NCKAP1: variants seen among roughly 807,000 people sequenced by gnomAD.
NCKAP1 encodes the protein nck-associated protein 1.
A neutral mutation model predicts 151.2 loss-of-function variants in NCKAP1; 21 were observed. The observed-to-expected ratio is 0.14, with a 90% CI of 0.10 to 0.20. The LOEUF is 0.20. Among genes scored for constraint, NCKAP1 ranks in the 10% least tolerant of loss-of-function variants. The pLI, the probability that NCKAP1 is intolerant of heterozygous loss-of-function variation, is 1.00. For missense variants in NCKAP1, 933 were observed against 1,352.1 expected, an observed-to-expected ratio of 0.69 and a Z score of 4.86; for synonymous variants, 484 against 451.8, an observed-to-expected ratio of 1.07 and a Z score of -0.90.
At chr2:182,937,551 A>G (rs185555690) in intron 24 of NCKAP1, among the ~76,000 whole-genome samples, 3 of 152,208 alleles carry the variant, frequency 2.0e-5, no homozygotes, top group Admixed American at 6.5e-5. Flanking sequence ...AGGAGTTTAT[A>G]CTGTATCCTT....
intron 23 of NCKAP1, among the ~76,000 whole-genome samples, chr2:182,943,045 T>C (rs1697029828): frequency 6.6e-6 from 1 of 152,198 alleles, no homozygotes; most frequent in South Asian, 2.1e-4. Flanking sequence ...GTTTATAATT[T>C]AATTTCTGAT....
At chr2:182,982,765 G>A (rs1408335835) in intron 12 of NCKAP1, 56 bp downstream of exon 12, 3 of 1,182,284 alleles carry the variant, frequency 2.5e-6, no homozygotes, top group Non-Finnish European at 3.6e-6. Context: ...TAACCCCATT[G>A]TAAATCAAGA....
At chr2:182,974,822 GA>G (rs893467382) in intron 15 of NCKAP1, among the ~76,000 whole-genome samples, 63 of 150,304 alleles carry the variant, frequency 4.2e-4, no homozygotes, top group Non-Finnish European at 6.2e-4. Flanking sequence ...TAGATTACAT[GA>G]AAAAAAAATC....
intron 2 of NCKAP1, among the ~76,000 whole-genome samples, chr2:183,006,751 T>C (rs1192021821): frequency 6.6e-6 from 1 of 152,216 alleles, no homozygotes; most frequent in Non-Finnish European, 1.5e-5. Context: ...CATTGTTTTA[T>C]AGGAAATAAA....
rs2105793009 is a variant in NCKAP1 at position 182,923,541 on chromosome 2, G to A, written c.*2161C>T. The A allele has an allele frequency of 6.6e-6, 1 of 152,276 alleles. No homozygotes were observed. Among genetic ancestry groups the A allele is most frequent in the South Asian group, 2.1e-4 (1 of 4,826 alleles). 9.4% of individuals were successfully genotyped at this position (152,276 alleles called of 1,614,324 possible). ...ATCCGCCTTGGCCTCCCAAAGTGCT[G>A]AAATAGGCGTGTGCCACTACGCCTG... On this transcript the variant is annotated 3_prime_UTR_variant, in exon 31 of 31. Transcript: ENST00000361354.
At chr2:182,960,086 A>G (rs1036432879) in intron 18 of NCKAP1, among the ~76,000 whole-genome samples, 1 of 152,234 alleles carries the variant, frequency 6.6e-6, no homozygotes, top group Non-Finnish European at 1.5e-5. Context: ...AAAAGAGGAT[A>G]CAAACAAATG....
chr2:183,019,162 A>C (rs750703598), intron 2 of NCKAP1, among the ~76,000 whole-genome samples: 1 of 152,168 alleles, frequency 6.6e-6, no homozygotes, highest in Non-Finnish European at 1.5e-5. Flanking sequence ...AGACTTCAAG[A>C]TCTAATTCAG....
Position 182,938,233 on chromosome 2 carries a change from T to C in NCKAP1, c.2696-2858A>G, listed in dbSNP as rs557173910. Among the ~76,000 whole-genome samples, 6 of 152,276 alleles carry C rather than the reference T, an allele frequency of 3.9e-5. No individual in the cohort carries two copies. In the South Asian group the frequency reaches 1.2e-3, roughly 32 times the overall value. On this transcript the variant is annotated intron_variant, in intron 24 of 30. Transcript: ENST00000361354. ...GAGAGTTAAGGCTGAAGATAAATATTGGATAAGGGAAGAGAAAATTTGGGA... is the reference window on the plus strand; with the variant it reads ...GAGAGTTAAGGCTGAAGATAAATATCGGATAAGGGAAGAGAAAATTTGGGA...
At chr2:182,992,712 G>A (rs985497129) in intron 8 of NCKAP1, among the ~76,000 whole-genome samples, 2 of 151,948 alleles carry the variant, frequency 1.3e-5, no homozygotes, top group South Asian at 2.1e-4. Context: ...AAATAGCTAC[G>A]GCCAGATAGT....
chr2:182,986,305 T>C, intron 9 of NCKAP1, 78 bp from the exon 10 acceptor site: 2 of 1,177,718 alleles, frequency 1.7e-6, no homozygotes, highest in Non-Finnish European at 2.5e-6. Flanking sequence ...ATACTAGAAG[T>C]CAATTAAAAA....
In NCKAP1 at chr2:182,923,272, G is replaced by A. The variant is rs537703186; in HGVS notation, c.*2430C>T. The stretch of plus-strand genomic sequence containing the variant: ...AAAAATCTATCCAATCTATCCAAAT[G>A]AGTATTTTCTTTTTTTTTTTGAGAC... On this transcript the variant is annotated 3_prime_UTR_variant, in exon 31 of 31. Transcript: ENST00000361354. 2 of 151,674 alleles carry A rather than the reference G, an allele frequency of 1.3e-5. No homozygotes were observed. The highest frequency in any genetic ancestry group is 6.6e-5 in the Admixed American group (1 of 15,226). The allele number at this position is 151,674 out of a possible 1,614,324, so 9.4% of individuals were successfully genotyped here. A position where few individuals can be genotyped will look rare whatever the true frequency, so the allele number is the denominator to read the frequency against.
rs1402870185 is a variant in NCKAP1 at position 182,910,859 on chromosome 2, T to C, written c.*14843A>G. 6.6e-6 allele frequency: 1 copy of C among 151,982 alleles called. No homozygotes were observed. Among genetic ancestry groups the C allele is most frequent in the African/African-American group, 2.4e-5 (1 of 41,400 alleles). 9.4% of individuals were successfully genotyped at this position (151,982 alleles called of 1,614,324 possible). A position where few individuals can be genotyped will look rare whatever the true frequency, so the allele number is the denominator to read the frequency against. ...GAGAAAGTTACTGAGAAGAAGGTGA[T>C]TGCTAAGTATTTACAGATTAAAGAC... On this transcript the variant is annotated 3_prime_UTR_variant, in exon 31 of 31. Coordinates refer to ENST00000361354, the MANE Select transcript of NCKAP1 (RefSeq NM_013436.5).
At chr2:183,035,497 T>C (rs1314788693) in intron 1 of NCKAP1, among the ~76,000 whole-genome samples, 4 of 152,168 alleles carry the variant, frequency 2.6e-5, no homozygotes, top group East Asian at 1.9e-4. Flanking sequence ...TGATAATTGA[T>C]TGGCAAACAT....
At position 183,002,968 on chromosome 2, in the gene NCKAP1, A is replaced by G; in HGVS notation, c.369+6T>C. 6.2e-7 allele frequency: 1 copy of G among 1,602,492 alleles called. No homozygotes were observed. The highest frequency in any genetic ancestry group is 8.5e-7 in the Non-Finnish European group (1 of 1,171,798). The stretch of plus-strand genomic sequence containing the variant: ...AATTGGACATTTTTCTGAAAATGAT[A>G]CTTACAATATCAAAGAAGACTTGGC... On this transcript the variant is annotated splice_donor_region_variant and intron_variant, in intron 4 of 30. Coordinates refer to ENST00000361354, the MANE Select transcript of NCKAP1 (RefSeq NM_013436.5).
At position 182,923,994 on chromosome 2, in the gene NCKAP1, G is replaced by A. The variant is rs1696592639; in HGVS notation, c.*1708C>T. On this transcript the variant is annotated 3_prime_UTR_variant, in exon 31 of 31. Transcript: ENST00000361354. ...TCCAAATTCCTACTTTACCTCTCCA[G>A]AGATCACTGCCAACAAAGTTATTAC... The A allele has an allele frequency of 6.6e-6, 1 of 152,088 alleles. No homozygotes were observed. Among genetic ancestry groups the A allele is most frequent in the Admixed American group, 6.6e-5 (1 of 15,256 alleles). 9.4% of individuals were successfully genotyped at this position (152,088 alleles called of 1,614,324 possible).
chr2:182,910,597 G>C lies in NCKAP1; in HGVS notation c.*15105C>G, dbSNP rs1397271656. 1 of 152,258 alleles carries C rather than the reference G, an allele frequency of 6.6e-6. No individual in the cohort carries two copies. The highest frequency in any genetic ancestry group is 1.5e-5 in the Non-Finnish European group (1 of 68,072). The allele number at this position is 152,258 out of a possible 1,614,324, so 9.4% of individuals were successfully genotyped here. A position where few individuals can be genotyped will look rare whatever the true frequency, so the allele number is the denominator to read the frequency against. ...AGAACCTAGATAGATGATGCTGTGA[G>C]GGCTGCGGCTGTGCTCTGCACTTCT... On this transcript the variant is annotated 3_prime_UTR_variant, in exon 31 of 31. Transcript: ENST00000361354.
Position 182,981,373 on chromosome 2 carries a change from G to A in NCKAP1, c.1212C>T (p.His404=), listed in dbSNP as rs760871215. The change falls in exon 13 of 31, where the codon CAC becomes CAT. Residue 404 remains histidine (H), a synonymous_variant. Coordinates refer to ENST00000361354, the MANE Select transcript of NCKAP1 (RefSeq NM_013436.5). ...CCATGTAAAATATTAATTCAGCAAT[G>A]TGCCTTTTTTAAAATTTCAAGAAAA... The part of the protein sequence containing the change: ...KKSADDFIDK[H]IAELIFYMEE... 1.9e-6 allele frequency: 3 copies of A among 1,605,934 alleles called. No individual in the cohort carries two copies. Among genetic ancestry groups the A allele is most frequent in the East Asian group, 2.2e-5 (1 of 44,766 alleles).
chr2:182,916,255 T>C lies in NCKAP1; in HGVS notation c.*9447A>G, dbSNP rs1183087695. On this transcript the variant is annotated 3_prime_UTR_variant, in exon 31 of 31. Coordinates refer to ENST00000361354, the MANE Select transcript of NCKAP1 (RefSeq NM_013436.5). ...GTGTAGAAATCCCCAGCTGCCTGTA[T>C]CTCTGATGCTTCTCCACAGGAACAA... 2 of 150,438 alleles carry C rather than the reference T, an allele frequency of 1.3e-5. No homozygotes were observed. The highest frequency in any genetic ancestry group is 1.3e-4 in the Admixed American group (2 of 15,110). 9.3% of individuals were successfully genotyped at this position (150,438 alleles called of 1,614,324 possible).
chr2:182,991,825 T>A (rs1204478213), intron 8 of NCKAP1, among the ~76,000 whole-genome samples: 1 of 152,078 alleles, frequency 6.6e-6, no homozygotes, highest in Non-Finnish European at 1.5e-5. Context: ...AAAAAAAATC[T>A]TTCCTAAGGA....
Sources: allele counts gnomAD v4.1 joint callset (sites outside exome capture counted in the v4.1 genomes callset), GRCh38; gene constraint gnomAD v4.1.1; transcripts MANE v1.5; gene names NCBI Gene and HGNC (gene_info 2026-07-23, HGNC 2026-07-21).